Variants in ADCY9 observed in about 807,000 individuals in gnomAD.
ADCY9 encodes the protein adenylate cyclase 9, also known as adenylate cyclase type 9.
A neutral mutation model predicts 101.5 loss-of-function variants in ADCY9; 50 were observed. The ratio of observed to expected loss-of-function variants is 0.49; its 90% CI spans 0.39 to 0.62. ADCY9 has a LOEUF of 0.62. ADCY9 is among the 20% of genes least tolerant of loss of function. The pLI is 0.00. For synonymous variants in ADCY9, 905 were observed against 769.3 expected (o/e 1.18, Z -2.92); for missense variants, 1,662 against 1,800.4 (o/e 0.92, Z 1.39).
intron 2 of ADCY9, among the ~76,000 whole-genome samples, chr16:4,068,072 C>A (rs2056811426): frequency 6.6e-6 from 1 of 151,630 alleles, no homozygotes; most frequent in African/African-American, 2.4e-5. Context: ...TAATAATTAC[C>A]ATTAATGATT....
intron 2 of ADCY9, among the ~76,000 whole-genome samples, chr16:4,018,807 C>T (rs2056455514): frequency 6.6e-6 from 1 of 152,134 alleles, no homozygotes; most frequent in Admixed American, 6.6e-5. Flanking sequence ...TTCGAGTCAT[C>T]TAACGGAGAA....
Position 4,019,060 on chromosome 16 carries a change from C to T in ADCY9, c.1694-11502G>A, listed in dbSNP as rs570142402. ...GCATGATCACGGCTCACTGCAGCCTCGACGTCCTGGGCTCAAGTGATCCTC... is the reference window on the plus strand; with the variant it reads ...GCATGATCACGGCTCACTGCAGCCTTGACGTCCTGGGCTCAAGTGATCCTC... On this transcript the variant is annotated intron_variant, in intron 2 of 10. Transcript: ENST00000294016. 1.1e-4 allele frequency among the ~76,000 whole-genome samples: 17 copies of T among 151,510 alleles called. No homozygotes were observed. In the South Asian group the frequency reaches 2.3e-3, roughly 21 times the overall value.
chr16:3,959,362 CAAAAA>C (rs71133675), downstream of ADCY9, among the ~76,000 whole-genome samples: 15,215 of 133,464 alleles, frequency 0.11, 1,017 homozygotes, highest in East Asian at 0.36. Flanking sequence ...ACTCTTATCT[CAAAAA>C]AAAAAAAAAA....
rs747584146 is a variant in ADCY9 at position 3,992,258 on chromosome 16, TCTC to T, written c.2092_2094del (p.Glu698del). 7 of 1,614,054 alleles carry T rather than the reference TCTC, an allele frequency of 4.3e-6. No individual in the cohort carries two copies. In the South Asian group the frequency reaches 6.6e-5, roughly 15 times the overall value. On this transcript the variant is annotated inframe_deletion, in exon 5 of 11. Transcript: ENST00000294016. The surrounding 1 kb of genome is among the most constrained non-coding windows in gnomAD (Gnocchi z 4.2). ...AGGCTCACCCCTGCCCACCTTCCCTTCTCCTGCAAGATCTCACACAGAGAAGTC... is the reference window on the plus strand; with the variant it reads ...AGGCTCACCCCTGCCCACCTTCCCTTCTGCAAGATCTCACACAGAGAAGTC...
chr16:4,114,245 T>C lies in ADCY9; in HGVS notation c.1198A>G (p.Ile400Val). 1.2e-6 allele frequency: 2 copies of C among 1,613,952 alleles called. No homozygotes were observed. The highest frequency in any genetic ancestry group is 1.7e-6 in the Non-Finnish European group (2 of 1,180,034). Reference protein sequence around the residue: ...IEEVSILFADIVGFTKMSANK... With the variant: ...IEEVSILFADVVGFTKMSANK... The stretch of plus-strand genomic sequence containing the variant: ...GCACTCATCTTGGTGAAGCCCACGA[T>C]ATCTGCAAATAAAATACTGACTTCT... Residue 400 changes from isoleucine to valine, a missense_variant, in exon 2 of 11, where the codon ATC (isoleucine) becomes GTC (valine). By Grantham distance (29) the Ile-to-Val change is conservative. Coordinates refer to ENST00000294016, the MANE Select transcript of ADCY9 (RefSeq NM_001116.4). This position sits in a 1 kb window ranked among gnomAD's most constrained non-coding sequence, Gnocchi z 4.3.
At chr16:3,974,250 T>C (rs1374322026) in intron 10 of ADCY9, among the ~76,000 whole-genome samples, 1 of 151,742 alleles carries the variant, frequency 6.6e-6, no homozygotes, top group East Asian at 2.0e-4. Flanking sequence ...TTCACCGTGT[T>C]AGCCAGGATG....
chr16:4,090,597 C>T (rs950778745), intron 2 of ADCY9, among the ~76,000 whole-genome samples: 4 of 152,100 alleles, frequency 2.6e-5, no homozygotes, highest in South Asian at 4.2e-4. Context: ...GGGCACGAGA[C>T]GCTCAGGGCT....
chr16:3,985,140 CTTTTTTTTTTTT>C (rs139751473), intron 6 of ADCY9, among the ~76,000 whole-genome samples: 5 of 78,372 alleles, frequency 6.4e-5, no homozygotes, highest in Non-Finnish European at 1.0e-4. Context: ...TTTTCTTTTC[CTTTTTTTTTTTT>C]TTTTTTTTGA....
intron 2 of ADCY9, among the ~76,000 whole-genome samples, chr16:4,081,634 T>G (rs2056902911): frequency 2.0e-5 from 3 of 152,104 alleles, no homozygotes; most frequent in African/African-American, 7.2e-5. Context: ...TCTAGATTTC[T>G]TCCTTTCATC....
chr16:4,061,036 A>C (rs1429393399), intron 2 of ADCY9, among the ~76,000 whole-genome samples: 1 of 152,154 alleles, frequency 6.6e-6, no homozygotes, highest in Non-Finnish European at 1.5e-5. Flanking sequence ...AATTATAAAA[A>C]GAAACCAAAC....
intron 2 of ADCY9, among the ~76,000 whole-genome samples, chr16:4,078,153 T>A (rs890377099): frequency 2.6e-5 from 4 of 152,108 alleles, no homozygotes; most frequent in African/African-American, 7.2e-5. Context: ...CCGAAACAAA[T>A]AAAAATATAC....
chr16:4,101,933 C>A lies in ADCY9; in HGVS notation c.1693+11817G>T, dbSNP rs192690458. Among the ~76,000 whole-genome samples, 788 of 152,210 alleles carry A rather than the reference C, an allele frequency of 5.2e-3. 21 individuals are homozygous for A. Among genetic ancestry groups the A allele is most frequent in the Non-Finnish European group, 2.0e-3 (139 of 68,012 alleles). ...TTTTCAGTAAAGAGGCTGCCAAGTT[C>A]GGCAGCTAGAGTTTAACCAGGGCGA... is the stretch of plus-strand genomic sequence containing the variant. On this transcript the variant is annotated intron_variant, in intron 2 of 10. Transcript: ENST00000294016.
chr16:3,976,520 C>T (rs907423918), intron 9 of ADCY9, among the ~76,000 whole-genome samples: 1 of 152,218 alleles, frequency 6.6e-6, no homozygotes, highest in Admixed American at 6.5e-5. Flanking sequence ...CATTCCTCAG[C>T]ACCTACCAGT....
intron 8 of ADCY9, 149 bp from the exon 9 acceptor site, chr16:3,977,779 C>T: frequency 1.0e-6 from 1 of 1,001,790 alleles, no homozygotes; most frequent in South Asian, 1.8e-5. Flanking sequence ...TGCAGTGGTG[C>T]AATCTCAGCT....
At chr16:3,975,390 T>C (rs1480176600) in intron 9 of ADCY9, among the ~76,000 whole-genome samples, 1 of 152,200 alleles carries the variant, frequency 6.6e-6, no homozygotes, top group African/African-American at 2.4e-5. Flanking sequence ...TAAATGTCTT[T>C]TGTATTGTGA....
chr16:4,113,319 T>G lies in ADCY9; in HGVS notation c.1693+431A>C, dbSNP rs751354581. 9.2e-5 allele frequency among the ~76,000 whole-genome samples: 14 copies of G among 152,158 alleles called. 1 individual carries two copies. The highest frequency in any genetic ancestry group is 2.9e-5 in the Non-Finnish European group (2 of 68,026). On this transcript the variant is annotated intron_variant, in intron 2 of 10. Coordinates refer to ENST00000294016, the MANE Select transcript of ADCY9 (RefSeq NM_001116.4). Reference sequence around the variant, plus strand: ...GTGAGGCCTAGAGAGGAGAAAGATTTTATTCTCCACGTTTTCGCAAAAAGG... The same window carrying G: ...GTGAGGCCTAGAGAGGAGAAAGATTGTATTCTCCACGTTTTCGCAAAAAGG...
intron 2 of ADCY9, among the ~76,000 whole-genome samples, chr16:4,009,268 G>A (rs2141722536): frequency 6.6e-6 from 1 of 151,992 alleles, no homozygotes; most frequent in Non-Finnish European, 1.5e-5. Flanking sequence ...GTTTTGTTTT[G>A]TTTTGTTTTG....
At chr16:4,016,535 G>T (rs990124922) in intron 2 of ADCY9, among the ~76,000 whole-genome samples, 3 of 152,160 alleles carry the variant, frequency 2.0e-5, no homozygotes, top group African/African-American at 7.2e-5. Flanking sequence ...CAGCTCATCC[G>T]TAGGTTTCTA....
chr16:4,064,987 G>C (rs2056792481), intron 2 of ADCY9, among the ~76,000 whole-genome samples: 1 of 152,158 alleles, frequency 6.6e-6, no homozygotes, highest in African/African-American at 2.4e-5. Context: ...CGAATACACA[G>C]AGTGACAGAG....
Sources: gnomAD v4.1 joint callset for allele counts (sites outside exome capture counted in the v4.1 genomes callset) on GRCh38, gnomAD v4.1.1 for gene constraint, Gnocchi (gnomAD v3.1) non-coding constraint, MANE v1.5 for transcripts, NCBI Gene and HGNC (gene_info 2026-07-23, HGNC 2026-07-21) for gene names.